ARHGEF26: variants seen among roughly 807,000 people sequenced by gnomAD.
ARHGEF26 encodes Rho guanine nucleotide exchange factor 26.
In ARHGEF26, 59 loss-of-function variants were observed where a neutral mutation model predicts 89.4. That is an observed-to-expected ratio of 0.66 (90% confidence interval 0.54 to 0.82). The LOEUF is 0.82. ARHGEF26 is among the 40% of genes least tolerant of loss of function. The pLI is 0.00. For synonymous variants in ARHGEF26, 500 were observed against 428.4 expected (o/e 1.17, Z -2.06); for missense variants, 1,234 against 1,085.6 (o/e 1.14, Z -1.92).
rs756492851 is a variant in ARHGEF26, at chr3:154,194,691, C to T, written c.1818C>T (p.Cys606=). Residue 606 remains cysteine, a synonymous_variant, in exon 9 of 15, where the codon TGC becomes TGT. Coordinates refer to ENST00000465093, the MANE Select transcript of ARHGEF26 (RefSeq NM_015595.4). The stretch of plus-strand genomic sequence containing the variant: ...AGGACTCTCCGAAGTATGAAGTCTG[C>T]AAAAGAGCCTTGAAGGAAGTTAGCA... ...TPKDSPKYEV[C]KRALKEVSKL... is the part of the protein sequence containing the mutation. 2 of 1,612,850 alleles carry T rather than the reference C, an allele frequency of 1.2e-6. No individual in the cohort carries two copies. Among genetic ancestry groups the T allele is most frequent in the Non-Finnish European group, 1.7e-6 (2 of 1,179,462 alleles).
At chr3:154,204,048 C>G (rs1714843740) in intron 9 of ARHGEF26, among the ~76,000 whole-genome samples, 1 of 151,938 alleles carries the variant, frequency 6.6e-6, no homozygotes, top group African/African-American at 2.4e-5. Flanking sequence ...TCCTCTATTT[C>G]CTGGAATAGG....
At chr3:154,181,920 T>C (rs9874489) in intron 6 of ARHGEF26, among the ~76,000 whole-genome samples, 27,807 of 152,090 alleles carry the variant, frequency 0.18, 2,856 homozygotes, top group South Asian at 0.37. Context: ...TGTTTCACCT[T>C]TATCATTTTT....
At chr3:154,234,862 T>G (rs1174059381) in intron 11 of ARHGEF26, among the ~76,000 whole-genome samples, 1 of 152,022 alleles carries the variant, frequency 6.6e-6, no homozygotes, top group Non-Finnish European at 1.5e-5. Flanking sequence ...GCCTCTCAGG[T>G]TCACGCCATT....
At chr3:154,133,130 G>A (rs1718790247) in intron 4 of ARHGEF26, among the ~76,000 whole-genome samples, 1 of 152,124 alleles carries the variant, frequency 6.6e-6, no homozygotes, top group African/African-American at 2.4e-5. Context: ...GAATACTTTT[G>A]AAGTGCAGCA....
chr3:154,163,907 T>C (rs1018280649), intron 6 of ARHGEF26, among the ~76,000 whole-genome samples: 2 of 152,088 alleles, frequency 1.3e-5, no homozygotes, highest in Admixed American at 1.3e-4. Flanking sequence ...TTATTAACTT[T>C]TGCATGTATG....
chr3:154,176,279 G>A lies in ARHGEF26; in HGVS notation c.1488-11406G>A, dbSNP rs1369678154. 2.0e-5 allele frequency among the ~76,000 whole-genome samples: 3 copies of A among 152,208 alleles called. No homozygotes were observed. In the South Asian group the frequency reaches 6.2e-4, roughly 31 times the overall value. On this transcript the variant is annotated intron_variant, in intron 6 of 14. Coordinates refer to ENST00000465093, the MANE Select transcript of ARHGEF26 (RefSeq NM_015595.4). ...GCTTTTGTGGCAGAAAGTGAGGCTG[G>A]AGAGAATGTTTGGGAGCCAATCTTT...
intron 12 of ARHGEF26, among the ~76,000 whole-genome samples, chr3:154,250,823 G>A (rs16823824): frequency 0.016 from 2,384 of 152,270 alleles, 53 homozygotes; most frequent in African/African-American, 0.055. Context: ...AATTCCACTT[G>A]AGCCTGTGTA....
At chr3:154,189,123 A>T (rs1268408690) in intron 7 of ARHGEF26, among the ~76,000 whole-genome samples, 1 of 152,140 alleles carries the variant, frequency 6.6e-6, no homozygotes, top group East Asian at 1.9e-4. Context: ...TAACTGTTAG[A>T]GAATGCAAGT....
At chr3:154,169,982 G>C (rs1712315109) in intron 6 of ARHGEF26, among the ~76,000 whole-genome samples, 1 of 152,040 alleles carries the variant, frequency 6.6e-6, no homozygotes, top group South Asian at 2.1e-4. Flanking sequence ...GAAGTAGTCA[G>C]CTTCCTGCCA....
chr3:154,164,208 T>C (rs1711848035), intron 6 of ARHGEF26, among the ~76,000 whole-genome samples: 1 of 152,042 alleles, frequency 6.6e-6, no homozygotes, highest in South Asian at 2.1e-4. Context: ...TTTTTTAGAG[T>C]ATCAACTTTA....
chr3:154,175,184 A>T (rs890520102), intron 6 of ARHGEF26, among the ~76,000 whole-genome samples: 15 of 152,130 alleles, frequency 9.9e-5, no homozygotes, highest in Admixed American at 2.6e-4. Flanking sequence ...GGTTCTATAA[A>T]CCGTAATGGT....
intron 12 of ARHGEF26, among the ~76,000 whole-genome samples, chr3:154,246,742 C>T (rs1196967276): frequency 6.6e-6 from 1 of 152,008 alleles, no homozygotes; most frequent in Non-Finnish European, 1.5e-5. Context: ...TGGCTTGGAC[C>T]GTGATATGTA....
intron 11 of ARHGEF26, among the ~76,000 whole-genome samples, chr3:154,230,362 A>G (rs145474254): frequency 6.6e-6 from 1 of 152,344 alleles, no homozygotes; most frequent in Non-Finnish European, 1.5e-5. Flanking sequence ...CCAGGATTCT[A>G]ATCTGAGTCT....
At chr3:154,185,379 A>G (rs1281136043) in intron 6 of ARHGEF26, among the ~76,000 whole-genome samples, 1 of 152,102 alleles carries the variant, frequency 6.6e-6, no homozygotes, top group Non-Finnish European at 1.5e-5. Context: ...CTACTTGGCT[A>G]CAAAGTTGTG....
chr3:154,151,767 A>T (rs963698775), intron 5 of ARHGEF26, among the ~76,000 whole-genome samples: 2 of 152,156 alleles, frequency 1.3e-5, no homozygotes, highest in Non-Finnish European at 2.9e-5. Context: ...ACCCATCAGC[A>T]GCTGGGTGTC....
intron 4 of ARHGEF26, among the ~76,000 whole-genome samples, chr3:154,143,819 T>C (rs1719529367): frequency 6.6e-6 from 1 of 152,224 alleles, no homozygotes; most frequent in African/African-American, 2.4e-5. Flanking sequence ...TTCATCCTTG[T>C]TACTTCTGTG....
intron 8 of ARHGEF26, among the ~76,000 whole-genome samples, chr3:154,193,499 A>G (rs1318192303): frequency 6.6e-6 from 1 of 152,162 alleles, no homozygotes; most frequent in African/African-American, 2.4e-5. Flanking sequence ...GCTAGTAGCC[A>G]ACTACTTTCT....
chr3:154,210,719 A>G (rs1306941099), intron 9 of ARHGEF26, among the ~76,000 whole-genome samples: 4 of 150,468 alleles, frequency 2.7e-5, no homozygotes, highest in Admixed American at 6.6e-5. Flanking sequence ...AGGCAGGCGG[A>G]TCACCTGAGG....
chr3:154,144,568 G>T (rs1011763632), intron 4 of ARHGEF26, among the ~76,000 whole-genome samples: 1 of 152,142 alleles, frequency 6.6e-6, no homozygotes, highest in African/African-American at 2.4e-5. Context: ...GTTCATTCTT[G>T]TGCATTTAAT....
Sources: allele counts gnomAD v4.1 joint callset (sites outside exome capture counted in the v4.1 genomes callset), GRCh38; gene constraint gnomAD v4.1.1; transcripts MANE v1.5; gene names NCBI Gene and HGNC (gene_info 2026-07-23, HGNC 2026-07-21).